The following PTP4A1 variants were observed in gnomAD, a reference collection of about 807,000 sequenced individuals.
The protein encoded by PTP4A1 is protein tyrosine phosphatase type IVA 1.
Under a neutral mutation model 20.5 loss-of-function variants are expected in PTP4A1, and 9 were observed. That is an observed-to-expected ratio of 0.44 (90% CI 0.26 to 0.77). PTP4A1 has a LOEUF of 0.77. Ranked by LOEUF, PTP4A1 falls within the 30% of genes least tolerant of loss-of-function variation. PTP4A1 has a pLI of 0.19. For missense variants in PTP4A1, 137 were observed against 218.8 expected, an observed-to-expected ratio of 0.63 and a Z score of 2.36; for synonymous variants, 78 against 67.4, an observed-to-expected ratio of 1.16 and a Z score of -0.77.
chr6:63,577,114 A>G (rs1777916487), intron 2 of PTP4A1, 129 bp downstream of exon 2: 7 of 689,542 alleles, frequency 1.0e-5, no homozygotes, highest in Middle Eastern at 2.7e-4. Context: ...CCAGAAATAA[A>G]TGTCAATGTC....
At chr6:63,575,110 G>T (rs1272043663) in intron 1 of PTP4A1, among the ~76,000 whole-genome samples, 1 of 152,200 alleles carries the variant, frequency 6.6e-6, no homozygotes, top group Non-Finnish European at 1.5e-5. Flanking sequence ...ATTTAGCAAA[G>T]TTCTAGAAAC....
At position 63,549,223 on chromosome 6, in the gene PTP4A1, G is replaced by A. The variant is rs1395485745; in HGVS notation, c.-639-1077G>A. 3 of 724,730 alleles carry A rather than the reference G, an allele frequency of 4.1e-6. No homozygotes were observed. In the East Asian group the frequency reaches 7.5e-5, roughly 18 times the overall value. The allele number at this position is 724,730 out of a possible 1,614,324, so 44.9% of individuals were successfully genotyped here. On this transcript the variant is annotated intron_variant, in intron 2 of 3. Transcript: ENST00000639568. Reference sequence around the variant, plus strand: ...GATCTGTACTTGTGGGCCAGCTGAAGTAGCAGAGCAGCTGTTTGGTGGTCC... The same window carrying A: ...GATCTGTACTTGTGGGCCAGCTGAAATAGCAGAGCAGCTGTTTGGTGGTCC...
At chr6:63,563,517 G>C (rs917573426) in intron 3 of PTP4A1, among the ~76,000 whole-genome samples, 2 of 152,154 alleles carry the variant, frequency 1.3e-5, no homozygotes, top group African/African-American at 2.4e-5. Flanking sequence ...TCTAAAGTAA[G>C]TCACCCCAGC....
intron 2 of PTP4A1, among the ~76,000 whole-genome samples, chr6:63,577,702 G>A (rs946549160): frequency 3.9e-5 from 6 of 152,006 alleles, no homozygotes; most frequent in African/African-American, 1.4e-4. Flanking sequence ...GACTACAGGC[G>A]TACGCCACCT....
At chr6:63,569,125 G>T (rs1043908727), upstream of PTP4A1, among the ~76,000 whole-genome samples, 1 of 152,084 alleles carries the variant, frequency 6.6e-6, no homozygotes, top group Non-Finnish European at 1.5e-5. Flanking sequence ...TGTAAACTTG[G>T]TAAAATGGAA....
At chr6:63,545,295 G>T (rs1206783520) in intron 2 of PTP4A1, among the ~76,000 whole-genome samples, 3 of 152,022 alleles carry the variant, frequency 2.0e-5, no homozygotes, top group Non-Finnish European at 4.4e-5. Context: ...TTAATCTCTG[G>T]CTCAAGAAAT....
At chr6:63,551,157 C>T (rs894276454) in intron 3 of PTP4A1, among the ~76,000 whole-genome samples, 21 of 152,116 alleles carry the variant, frequency 1.4e-4, no homozygotes, top group African/African-American at 5.1e-4. Context: ...CCTCTGCTTT[C>T]CAGGTTCAAG....
In PTP4A1 at chr6:63,543,130, C is replaced by A. The variant is rs980153609; in HGVS notation, c.-639-7170C>A. Reference sequence around the variant, plus strand: ...CAAAGCTGTGACATCATTTCATTCACAAATTAGAGTGCTCCTTTGAAGCAT... The same window carrying A: ...CAAAGCTGTGACATCATTTCATTCAAAAATTAGAGTGCTCCTTTGAAGCAT... On this transcript the variant is annotated intron_variant, in intron 2 of 3. Transcript: ENST00000639568. Among the ~76,000 whole-genome samples the A allele has an allele frequency of 3.9e-5, 6 of 152,160 alleles. No individual in the cohort carries two copies. The East Asian group carries it at 1.2e-3, about 29-fold the overall frequency.
At chr6:63,552,275 G>C (rs1230063221) in intron 3 of PTP4A1, among the ~76,000 whole-genome samples, 2 of 152,202 alleles carry the variant, frequency 1.3e-5, no homozygotes, top group Non-Finnish European at 2.9e-5. Context: ...GCATTTCTCT[G>C]ATGGCCAGTG....
chr6:63,519,559 C>T (rs1012570373), upstream of PTP4A1, among the ~76,000 whole-genome samples: 4 of 152,020 alleles, frequency 2.6e-5, no homozygotes, highest in East Asian at 7.7e-4. Flanking sequence ...GTAAAGACAC[C>T]ACATATGCCA....
intron 3 of PTP4A1, among the ~76,000 whole-genome samples, chr6:63,560,338 C>CAAAAA (rs369689231): frequency 9.9e-5 from 5 of 50,396 alleles, no homozygotes; most frequent in South Asian, 7.5e-4. Context: ...GACTCCGTCT[C>CAAAAA]AAAAAAAAAA....
intron 1 of PTP4A1, among the ~76,000 whole-genome samples, chr6:63,573,814 C>T (rs1481005784): frequency 1.3e-5 from 2 of 152,030 alleles, no homozygotes; most frequent in African/African-American, 4.8e-5. Flanking sequence ...TACACTGACG[C>T]GAAGGACTTC....
intron 2 of PTP4A1, among the ~76,000 whole-genome samples, chr6:63,536,106 T>A (rs1295856911): frequency 6.6e-6 from 1 of 151,242 alleles, no homozygotes; most frequent in Admixed American, 6.6e-5. Context: ...CCGAGGCCGG[T>A]GCATCACCTG....
intron 1 of PTP4A1, among the ~76,000 whole-genome samples, chr6:63,522,568 T>C (rs1774977389): frequency 6.6e-6 from 1 of 152,196 alleles, no homozygotes; most frequent in African/African-American, 2.4e-5. Flanking sequence ...AAGGGCTCTA[T>C]AAGTTGAATA....
At chr6:63,547,933 C>T (rs1294359182) in intron 2 of PTP4A1, among the ~76,000 whole-genome samples, 1 of 152,282 alleles carries the variant, frequency 6.6e-6, no homozygotes, top group Admixed American at 6.5e-5. Context: ...TTGCTTAAAA[C>T]CCTTAAAGTT....
intron 3 of PTP4A1, among the ~76,000 whole-genome samples, chr6:63,562,161 T>C (rs1776987967): frequency 6.6e-6 from 1 of 152,050 alleles, no homozygotes; most frequent in African/African-American, 2.4e-5. Context: ...AACATTACAA[T>C]TATTTATTTA....
intron 3 of PTP4A1, among the ~76,000 whole-genome samples, chr6:63,555,691 T>TA (rs1176428545): frequency 2.7e-5 from 4 of 146,112 alleles, no homozygotes; most frequent in African/African-American, 1.0e-4. Context: ...TCAATTACAC[T>TA]CTTTTTTTTT....
chr6:63,578,464 A>G lies in PTP4A1; in HGVS notation c.133A>G (p.Ile45Val), dbSNP rs1420598115. Residue 45 changes from isoleucine (I) to valine (V), a missense_variant, in exon 3 of 6, where the codon ATA (isoleucine) becomes GTA (valine). Ile to Val is a conservative substitution (Grantham distance 29). Transcript: ENST00000626021. ...ACTTAAGAAGTATGGAGTTACCACA[A>G]TAGTAAGAGTATGTGAAGCAACTTA... The part of the protein sequence containing the change: ...EELKKYGVTT[I>V]VRVCEATYDT... 2 of 1,609,650 alleles carry G rather than the reference A, an allele frequency of 1.2e-6. No homozygotes were observed. The highest frequency in any genetic ancestry group is 2.2e-5 in the South Asian group (2 of 90,582).
chr6:63,548,824 TGTCA>T lies in PTP4A1; in HGVS notation c.-639-1475_-639-1472del, dbSNP rs113939788. Reference sequence around the variant, plus strand: ...CAGTGACGGCGGATCTCATTGTATCTGTCATTGTAGTCAGTCCTGATAGCTCCCA... The same window carrying T: ...CAGTGACGGCGGATCTCATTGTATCTTTGTAGTCAGTCCTGATAGCTCCCA... On this transcript the variant is annotated intron_variant, in intron 2 of 3. Coordinates refer to the PTP4A1 transcript ENST00000639568. 2.4e-4 allele frequency: 180 copies of T among 749,924 alleles called. No homozygotes were observed. In the African/African-American group the frequency reaches 2.8e-3, roughly 12 times the overall value. The allele number at this position is 749,924 out of a possible 1,614,324, so 46.5% of individuals were successfully genotyped here.
Sources: allele counts gnomAD v4.1 joint callset (sites outside exome capture counted in the v4.1 genomes callset), GRCh38; gene constraint gnomAD v4.1.1; transcripts MANE v1.5; gene names NCBI Gene and HGNC (gene_info 2026-07-23, HGNC 2026-07-21).